Variants in PSPC1 observed in about 807,000 individuals in gnomAD.
PSPC1 encodes the protein paraspeckle component 1.
In PSPC1, 14 loss-of-function variants were observed where a neutral mutation model predicts 51.6. That is an observed-to-expected ratio of 0.27 (90% confidence interval 0.18 to 0.42). The LOEUF (loss-of-function observed/expected upper bound fraction) is 0.42, where lower values mean the gene tolerates loss of function less well. Among genes scored for constraint, PSPC1 ranks in the 10% least tolerant of loss-of-function variants. PSPC1 has a pLI of 1.00. For missense variants in PSPC1, 406 were observed against 701.1 expected (o/e 0.58, Z 4.75); for synonymous variants, 193 against 231.9 (o/e 0.83, Z 1.53).
intron 2 of PSPC1, among the ~76,000 whole-genome samples, chr13:19,767,262 G>C (rs991846488): frequency 2.6e-5 from 4 of 152,136 alleles, no homozygotes; most frequent in Admixed American, 6.6e-5. Flanking sequence ...CACAATCTCT[G>C]ACAAGATTGT....
At chr13:19,772,173 C>G in intron 2 of PSPC1, 69 bp downstream of exon 2, 1 of 1,506,904 alleles carries the variant, frequency 6.6e-7, no homozygotes, top group South Asian at 1.3e-5. Flanking sequence ...CAATGAAAGA[C>G]AGAATTCCAA....
At chr13:19,675,761 T>A (rs1318000428) in intron 7 of PSPC1, 1 of 152,230 alleles carries the variant, frequency 6.6e-6, no homozygotes, top group Non-Finnish European at 1.5e-5. Context: ...TAGACTAGAA[T>A]CACTGACCAG....
At chr13:19,694,640 T>C (rs1379010284) in intron 6 of PSPC1, among the ~76,000 whole-genome samples, 3 of 152,198 alleles carry the variant, frequency 2.0e-5, no homozygotes, top group Admixed American at 1.3e-4. Flanking sequence ...GTTCCAAGTA[T>C]GCTTAATATT....
chr13:19,675,033 A>T (rs139916763), intron 7 of PSPC1: 1 of 152,650 alleles, frequency 6.6e-6, no homozygotes, highest in Non-Finnish European at 1.5e-5. Context: ...AAACAAGATC[A>T]GGAAACAAGA....
At chr13:19,707,165 G>A (rs554013667) in intron 7 of PSPC1, among the ~76,000 whole-genome samples, 7 of 152,026 alleles carry the variant, frequency 4.6e-5, no homozygotes, top group South Asian at 4.2e-4. Flanking sequence ...TGGTGGGTTC[G>A]GAAGTTTTCT....
intron 6 of PSPC1, among the ~76,000 whole-genome samples, chr13:19,723,558 CA>C (rs1883025796): frequency 6.6e-6 from 1 of 152,124 alleles, no homozygotes; most frequent in Non-Finnish European, 1.5e-5. Flanking sequence ...TACGGTTTCC[CA>C]CACATCATTA....
At chr13:19,712,945 G>A (rs942554584) in intron 6 of PSPC1, among the ~76,000 whole-genome samples, 25 of 151,996 alleles carry the variant, frequency 1.6e-4, no homozygotes, top group East Asian at 1.9e-4. Context: ...GAAAACCACC[G>A]CTACAAACTT....
chr13:19,755,386 G>A (rs1256466126), intron 3 of PSPC1, among the ~76,000 whole-genome samples: 3 of 152,028 alleles, frequency 2.0e-5, no homozygotes, highest in Non-Finnish European at 4.4e-5. Context: ...TCGGGAGTTC[G>A]AGACCAACCT....
intron 3 of PSPC1, among the ~76,000 whole-genome samples, chr13:19,756,460 G>C (rs1887081880): frequency 6.6e-6 from 1 of 152,062 alleles, no homozygotes; most frequent in Non-Finnish European, 1.5e-5. Context: ...GCCACTCAGG[G>C]AGCGAGAACT....
In PSPC1 at chr13:19,737,455, T is replaced by C. The variant is rs537825708; in HGVS notation, c.1052+4110A>G. 4.6e-5 allele frequency among the ~76,000 whole-genome samples: 7 copies of C among 152,340 alleles called. No homozygotes were observed. The East Asian group carries it at 1.3e-3, about 29-fold the overall frequency. ...TTTTTTCTCATAACTGGAATGATTA[T>C]GCATATCTGGTAAGAATATCACAGA... is the stretch of plus-strand genomic sequence containing the variant. On this transcript the variant is annotated intron_variant, in intron 5 of 8. Transcript: ENST00000338910.
chr13:19,754,173 C>T (rs1405696666), intron 3 of PSPC1, among the ~76,000 whole-genome samples: 1 of 151,780 alleles, frequency 6.6e-6, no homozygotes, highest in Non-Finnish European at 1.5e-5. Flanking sequence ...CAACCTCCGC[C>T]TCCTGGGTTC....
At chr13:19,688,866 C>G (rs1193443426) in intron 6 of PSPC1, among the ~76,000 whole-genome samples, 1 of 151,428 alleles carries the variant, frequency 6.6e-6, no homozygotes, top group African/African-American at 2.4e-5. Flanking sequence ...TGACCAAATA[C>G]AGTGTTCGCT....
At chr13:19,703,935 T>C (rs1279143398) in intron 8 of PSPC1, among the ~76,000 whole-genome samples, 1 of 152,204 alleles carries the variant, frequency 6.6e-6, no homozygotes, top group African/African-American at 2.4e-5. Flanking sequence ...TTTTAAAAAT[T>C]AATGTAATAA....
At chr13:19,688,823 C>T (rs1388803170) in intron 6 of PSPC1, among the ~76,000 whole-genome samples, 1 of 152,002 alleles carries the variant, frequency 6.6e-6, no homozygotes, top group Non-Finnish European at 1.5e-5. Flanking sequence ...AATTTATGGA[C>T]CCTATAGATT....
chr13:19,742,324 ATAGG>A (rs1239980201), intron 4 of PSPC1, among the ~76,000 whole-genome samples: 7 of 152,054 alleles, frequency 4.6e-5, no homozygotes, highest in African/African-American at 1.4e-4. Context: ...AGAAATTAAA[ATAGG>A]TAGGCTGGCT....
intron 4 of PSPC1, among the ~76,000 whole-genome samples, chr13:19,744,655 A>G (rs916032936): frequency 6.6e-6 from 1 of 151,582 alleles, no homozygotes; most frequent in African/African-American, 2.4e-5. Context: ...ACCTCTGCCT[A>G]CCAGGTTCAA....
chr13:19,729,839 A>C (rs1172166213), intron 6 of PSPC1, among the ~76,000 whole-genome samples: 2 of 152,194 alleles, frequency 1.3e-5, no homozygotes, highest in African/African-American at 4.8e-5. Context: ...TAAAGATGTA[A>C]AAGATTGGCC....
At chr13:19,699,877 A>C (rs1296501818), downstream of PSPC1, among the ~76,000 whole-genome samples, 1 of 152,058 alleles carries the variant, frequency 6.6e-6, no homozygotes, top group Non-Finnish European at 1.5e-5. Flanking sequence ...CCTCAGAAAT[A>C]TATTTTAACA....
chr13:19,731,852 T>C (rs9551991), intron 5 of PSPC1, among the ~76,000 whole-genome samples: 18,378 of 152,246 alleles, frequency 0.12, 1,236 homozygotes, highest in Middle Eastern at 0.16. Context: ...GTGTTAAACA[T>C]GTCCCATAAT....
Sources: allele counts gnomAD v4.1 joint callset (sites outside exome capture counted in the v4.1 genomes callset), GRCh38; gene constraint gnomAD v4.1.1; transcripts MANE v1.5; gene names NCBI Gene and HGNC (gene_info 2026-07-23, HGNC 2026-07-21).